The following SLC13A1 variants were observed in gnomAD, a reference collection of about 807,000 sequenced individuals.
SLC13A1 encodes the protein Na(+)/sulfate cotransporter.
SLC13A1 carries 65 observed loss-of-function variants against 70.0 expected under a neutral mutation model. The ratio of observed to expected loss-of-function variants is 0.93; its 90% CI spans 0.76 to 1.14. The LOEUF (loss-of-function observed/expected upper bound fraction) is 1.14. SLC13A1 is among the 50% of genes most tolerant of loss of function. SLC13A1 has a pLI of 0.00. For missense variants in SLC13A1, 726 were observed against 717.8 expected (o/e 1.01, Z -0.13); for synonymous variants, 275 against 250.5 (o/e 1.10, Z -0.92).
intron 1 of SLC13A1, among the ~76,000 whole-genome samples, chr7:123,193,904 A>G (rs1046698263): frequency 2.0e-5 from 3 of 152,078 alleles, no homozygotes; most frequent in Non-Finnish European, 2.9e-5. Context: ...TCCTTTCATC[A>G]TTATTTTCAC....
chr7:123,142,854 T>C (rs2116390226), intron 7 of SLC13A1, among the ~76,000 whole-genome samples: 1 of 152,056 alleles, frequency 6.6e-6, no homozygotes, highest in Middle Eastern at 3.4e-3. Flanking sequence ...CCTGACCTCT[T>C]GATCTGCCCT....
chr7:123,168,633 C>A lies in SLC13A1; in HGVS notation c.554-72G>T, dbSNP rs927365460. 8 of 1,082,928 alleles carry A rather than the reference C, an allele frequency of 7.4e-6. 1 individual carries two copies. The Admixed American group carries it at 1.0e-4, about 14-fold the overall frequency. The allele number at this position is 1,082,928 out of a possible 1,614,324, so 67.1% of individuals were successfully genotyped here. A position where few individuals can be genotyped will look rare whatever the true frequency, so the allele number is the denominator to read the frequency against. ...CATTGGGTTTGCCTGTGTGTGGATG[C>A]GAAGATGGAAGCATTAGTAGAAATT... On this transcript the variant is annotated intron_variant, in intron 4 of 14. Coordinates refer to ENST00000194130, the MANE Select transcript of SLC13A1 (RefSeq NM_022444.4).
chr7:123,149,353 A>C, intron 6 of SLC13A1: 1 of 377,176 alleles, frequency 2.7e-6, no homozygotes, highest in Non-Finnish European at 5.2e-6. Flanking sequence ...TTTTTCAAGA[A>C]TGTGTCAAAC....
At chr7:123,189,200 A>G (rs1795919204) in intron 1 of SLC13A1, among the ~76,000 whole-genome samples, 1 of 150,966 alleles carries the variant, frequency 6.6e-6, no homozygotes, top group South Asian at 2.1e-4. Flanking sequence ...TCAAGTGTAG[A>G]GCTTTAATAT....
At chr7:123,186,569 G>C (rs1160688256) in intron 1 of SLC13A1, 1 of 289,756 alleles carries the variant, frequency 3.5e-6, no homozygotes, top group African/African-American at 2.2e-5. Flanking sequence ...ACCACAAATT[G>C]TTTACCACCA....
intron 1 of SLC13A1, among the ~76,000 whole-genome samples, chr7:123,192,024 C>T (rs994492841): frequency 2.0e-5 from 3 of 152,086 alleles, no homozygotes; most frequent in Non-Finnish European, 4.4e-5. Flanking sequence ...AGCATAGAAA[C>T]TTCTTTCTCT....
intron 10 of SLC13A1, among the ~76,000 whole-genome samples, chr7:123,127,088 CTTATTT>C (rs1263566495): frequency 6.6e-6 from 1 of 151,992 alleles, no homozygotes; most frequent in African/African-American, 2.4e-5. Context: ...CATATTATAA[CTTATTT>C]TTAGTTTCTC....
intron 6 of SLC13A1, among the ~76,000 whole-genome samples, chr7:123,151,059 C>A (rs1219461520): frequency 6.6e-6 from 1 of 152,088 alleles, no homozygotes; most frequent in Non-Finnish European, 1.5e-5. Flanking sequence ...CACAGTGGCT[C>A]ATTCCTGGAA....
Position 123,129,440 on chromosome 7 carries a change from T to C in SLC13A1, c.974A>G (p.Gln325Arg). The change falls in exon 9 of 15, where the codon CAA becomes CGA. Residue 325 changes from glutamine to arginine, a missense_variant. Gln to Arg is a conservative substitution (Grantham distance 43). Transcript: ENST00000194130. ...AATCACCTCAGCACAAGCTTTTTGT[T>C]GGACTGTTTTGGTTTTGCCACATTT... ...MFKCGKTKTV[Q>R]QKACAEVIKQ... 1.9e-6 allele frequency: 3 copies of C among 1,612,110 alleles called. No individual in the cohort carries two copies. The highest frequency in any genetic ancestry group is 1.7e-4 in the Middle Eastern group (1 of 6,050).
Position 123,197,546 on chromosome 7 carries a change from T to C in SLC13A1, c.99+2302A>G, listed in dbSNP as rs7778568. Among the ~76,000 whole-genome samples, 1,079 of 152,250 alleles carry C rather than the reference T, an allele frequency of 7.1e-3. 14 individuals are homozygous for C. The highest frequency in any genetic ancestry group is 0.024 in the African/African-American group (1,014 of 41,560). ...TTTCATTGTAAGCAAGTTAAAATAA[T>C]AGTCTTTCAGTTTAATTAGCAGTTT... On this transcript the variant is annotated intron_variant, in intron 1 of 14. Transcript: ENST00000194130.
At chr7:123,142,907 G>A (rs1234666839) in intron 7 of SLC13A1, among the ~76,000 whole-genome samples, 1 of 151,914 alleles carries the variant, frequency 6.6e-6, no homozygotes, top group Non-Finnish European at 1.5e-5. Context: ...GTGAGCCACC[G>A]CACCCGGCTG....
intron 3 of SLC13A1, among the ~76,000 whole-genome samples, chr7:123,170,921 TA>T (rs10710606): frequency 0.98 from 148,660 of 151,590 alleles, 72,969 homozygotes; most frequent in East Asian, 1. Context: ...AATTTTTAAG[TA>T]AAAAAAAAAT....
Position 123,168,408 on chromosome 7 carries a change from G to A in SLC13A1, c.626C>T (p.Thr209Ile), listed in dbSNP as rs781112331. ...TKPVPGYNNDTGKISSKVELE... is the reference protein window; with the variant it reads ...TKPVPGYNNDIGKISSKVELE... Reference sequence around the variant, plus strand: ...CTCCACCTTGCTTGAAATTTTCCCTGTATCATTATTGTATCTGAAAAATAC... The same window carrying A: ...CTCCACCTTGCTTGAAATTTTCCCTATATCATTATTGTATCTGAAAAATAC... The change falls in exon 6 of 15, where the codon ACA becomes ATA. Residue 209 changes from threonine (T) to isoleucine (I), a missense_variant. Thr to Ile is a moderately conservative substitution (Grantham distance 89). Transcript: ENST00000194130. 6.3e-7 allele frequency: 1 copy of A among 1,591,682 alleles called. No individual in the cohort carries two copies. Among genetic ancestry groups the A allele is most frequent in the Non-Finnish European group, 8.6e-7 (1 of 1,164,686 alleles).
intron 6 of SLC13A1, among the ~76,000 whole-genome samples, chr7:123,155,863 T>C (rs1176384387): frequency 6.6e-6 from 1 of 152,108 alleles, no homozygotes; most frequent in Non-Finnish European, 1.5e-5. Flanking sequence ...TTCTCCATTT[T>C]CAACTTGTAA....
At chr7:123,179,647 T>G (rs1795571842) in intron 2 of SLC13A1, among the ~76,000 whole-genome samples, 1 of 152,118 alleles carries the variant, frequency 6.6e-6, no homozygotes, top group South Asian at 2.1e-4. Context: ...CCAGGCACCC[T>G]TCCCTCCTGC....
Position 123,115,386 on chromosome 7 carries a change from T to C in SLC13A1, c.*132A>G. 11 of 875,088 alleles carry C rather than the reference T, an allele frequency of 1.3e-5. No homozygotes were observed. In the South Asian group the frequency reaches 1.6e-4, roughly 12 times the overall value. The allele number at this position is 875,088 out of a possible 1,614,324, so 54.2% of individuals were successfully genotyped here. A position where few individuals can be genotyped will look rare whatever the true frequency, so the allele number is the denominator to read the frequency against. On this transcript the variant is annotated 3_prime_UTR_variant, in exon 15 of 15. Transcript: ENST00000194130. Reference sequence around the variant, plus strand: ...GAGTTATAACAGCAGGTTTCGGGTATTCACAGGAATTGCAGCAGCTACACC... The same window carrying C: ...GAGTTATAACAGCAGGTTTCGGGTACTCACAGGAATTGCAGCAGCTACACC...
intron 2 of SLC13A1, among the ~76,000 whole-genome samples, chr7:123,174,626 T>C (rs10237316): frequency 0.046 from 7,064 of 152,196 alleles, 531 homozygotes; most frequent in African/African-American, 0.16. Context: ...TCATAGCCCC[T>C]TTTCTACAGT....
intron 2 of SLC13A1, among the ~76,000 whole-genome samples, chr7:123,180,082 C>G (rs78989719): frequency 4.0e-5 from 6 of 151,824 alleles, no homozygotes; most frequent in Non-Finnish European, 7.4e-5. Context: ...AGAAAAGACT[C>G]GAAGTTAGGT....
In SLC13A1 at chr7:123,147,115, G is replaced by T. The variant is rs934244295; in HGVS notation, c.812+44C>A. On this transcript the variant is annotated intron_variant, in intron 7 of 14. Transcript: ENST00000194130. ...GGTAAGAATAATTTTTATAATTTTT[G>T]TGCTGCCCTTATGTTAAATCACCAA... 1.9e-6 allele frequency: 3 copies of T among 1,579,250 alleles called. No individual in the cohort carries two copies. In the African/African-American group the frequency reaches 4.1e-5, roughly 22 times the overall value.
Sources: gnomAD v4.1 joint callset for allele counts (sites outside exome capture counted in the v4.1 genomes callset) on GRCh38, gnomAD v4.1.1 for gene constraint, MANE v1.5 for transcripts, NCBI Gene and HGNC (gene_info 2026-07-23, HGNC 2026-07-21) for gene names.